Variants in SLC37A3 observed in about 807,000 individuals in gnomAD.
SLC37A3 encodes the protein solute carrier family 37 member 3.
Under a neutral mutation model 67.1 loss-of-function variants are expected in SLC37A3, and 51 were observed. The observed-to-expected ratio is 0.76, with a 90% CI of 0.61 to 0.96. SLC37A3 has a LOEUF of 0.96. Ranked by LOEUF, SLC37A3 falls within the 40% of genes least tolerant of loss-of-function variation. SLC37A3 has a pLI of 0.00. For missense variants in SLC37A3, 508 were observed against 603.0 expected, an observed-to-expected ratio of 0.84 and a Z score of 1.65; for synonymous variants, 214 against 231.4, an observed-to-expected ratio of 0.92 and a Z score of 0.68.
At chr7:140,384,117 T>C (rs948645933) in intron 1 of SLC37A3, among the ~76,000 whole-genome samples, 2 of 152,240 alleles carry the variant, frequency 1.3e-5, no homozygotes, top group Non-Finnish European at 2.9e-5. Flanking sequence ...TATACAACAA[T>C]AGGGGAATAA....
rs796968784 is a variant in SLC37A3, at chr7:140,396,018, C to CT, written c.-71+2397dup. Among the ~76,000 whole-genome samples the CT allele has an allele frequency of 5.6e-3, 806 of 145,040 alleles. 10 individuals are homozygous for CT. In the East Asian group the frequency reaches 0.074, roughly 13 times the overall value. ...TCAATGCTCACACTCATACAACTAT[C>CT]TTTTTTTTTTTTTCAGAGACAGGGT... is the stretch of plus-strand genomic sequence containing the variant. On this transcript the variant is annotated intron_variant, in intron 1 of 14. Coordinates refer to ENST00000326232, the MANE Select transcript of SLC37A3 (RefSeq NM_207113.3).
chr7:140,338,717 T>G (rs1796239802), intron 13 of SLC37A3, among the ~76,000 whole-genome samples: 1 of 151,056 alleles, frequency 6.6e-6, no homozygotes, highest in Non-Finnish European at 1.5e-5. Context: ...GGTGATTCAC[T>G]CACTTCAGCC....
intron 1 of SLC37A3, among the ~76,000 whole-genome samples, chr7:140,383,421 T>A (rs1383299050): frequency 6.6e-6 from 1 of 152,200 alleles, no homozygotes; most frequent in African/African-American, 2.4e-5. Context: ...CAGTGAGCTA[T>A]GATCACGCCA....
At chr7:140,372,390 C>T (rs1797856072) in intron 3 of SLC37A3, among the ~76,000 whole-genome samples, 1 of 152,148 alleles carries the variant, frequency 6.6e-6, no homozygotes, top group South Asian at 2.1e-4. Flanking sequence ...ATTCTTTGCA[C>T]CACATTAAAA....
At chr7:140,346,067 C>T (rs1377983236) in intron 10 of SLC37A3, 97 bp from the exon 11 acceptor site, 5 of 832,898 alleles carry the variant, frequency 6.0e-6, no homozygotes, top group Non-Finnish European at 1.0e-5. Flanking sequence ...CTAGCAGCAG[C>T]CTGACACTAG....
intron 14 of SLC37A3, among the ~76,000 whole-genome samples, chr7:140,335,712 A>C (rs547594468): frequency 1.9e-4 from 29 of 152,394 alleles, no homozygotes; most frequent in Non-Finnish European, 3.7e-4. Flanking sequence ...TTCCCAAAAA[A>C]AGAACAATAC....
chr7:140,345,330 G>A (rs747809201), intron 11 of SLC37A3, 67 bp from the exon 12 acceptor site: 80 of 1,230,804 alleles, frequency 6.5e-5, no homozygotes, highest in Non-Finnish European at 8.6e-5. Context: ...TCTGCCAACC[G>A]TACGCGAAGA....
chr7:140,355,538 A>T, intron 7 of SLC37A3, 130 bp downstream of exon 7: 1 of 828,504 alleles, frequency 1.2e-6, no homozygotes, highest in South Asian at 1.9e-5. Context: ...TTTTAATACA[A>T]GCCTTGCCCT....
chr7:140,358,734 G>A lies in SLC37A3; in HGVS notation c.427C>T (p.Leu143=). Reference sequence around the variant, plus strand: ...TTCACAATCCACAGGCAGCAGTACAGCCATTTGTTGTAGAAACGCAGCCAT... The same window carrying A: ...TTCACAATCCACAGGCAGCAGTACAACCATTTGTTGTAGAAACGCAGCCAT... ...TEWLRFYNKW[L]YCCLWIVNGL... Residue 143 remains leucine (L), a synonymous_variant, in exon 6 of 15, where the codon CTG becomes TTG. Coordinates refer to ENST00000326232, the MANE Select transcript of SLC37A3 (RefSeq NM_207113.3). The A allele has an allele frequency of 6.2e-7, 1 of 1,614,140 alleles. No individual in the cohort carries two copies. Among genetic ancestry groups the A allele is most frequent in the South Asian group, 1.1e-5 (1 of 91,078 alleles).
In SLC37A3 at chr7:140,335,254, C is replaced by CA; in HGVS notation, c.*157dup. 6.2e-7 allele frequency: 1 copy of CA among 1,614,052 alleles called. No homozygotes were observed. Among genetic ancestry groups the CA allele is most frequent in the Non-Finnish European group, 8.5e-7 (1 of 1,179,938 alleles). ...TAGTGTAGAAAACTAGTGCAGCCTT[C>CA]ACTGCTGGTCAGCATCTCAGGTGGC... On this transcript the variant is annotated 3_prime_UTR_variant, in exon 15 of 15. Transcript: ENST00000326232.
At chr7:140,355,877 T>C (rs1319405964) in intron 6 of SLC37A3, 113 bp from the exon 7 acceptor site, 1 of 846,942 alleles carries the variant, frequency 1.2e-6, no homozygotes. Context: ...AGACTAAACA[T>C]GCTATTTAAA....
intron 3 of SLC37A3, among the ~76,000 whole-genome samples, chr7:140,378,140 TC>T (rs1366820336): frequency 6.6e-6 from 1 of 152,138 alleles, no homozygotes; most frequent in African/African-American, 2.4e-5. Context: ...CTAAATGAAA[TC>T]CTATTTTTCT....
intron 5 of SLC37A3, 79 bp downstream of exon 5, chr7:140,364,329 A>G: frequency 7.7e-7 from 1 of 1,293,730 alleles, no homozygotes; most frequent in Non-Finnish European, 1.1e-6. Flanking sequence ...TTACTATTCT[A>G]TTCTACAGAG....
intron 3 of SLC37A3, among the ~76,000 whole-genome samples, chr7:140,372,276 G>A (rs1797852252): frequency 1.3e-5 from 2 of 152,206 alleles, no homozygotes; most frequent in Admixed American, 6.5e-5. Context: ...TCTTCAATAG[G>A]ATGGGAGATG....
Position 140,343,567 on chromosome 7 carries a change from A to AAC in SLC37A3, c.1175-5_1175-4insGT, listed in dbSNP as rs765572792. 6.2e-7 allele frequency: 1 copy of AAC among 1,613,600 alleles called. No individual in the cohort carries two copies. Among genetic ancestry groups the AAC allele is most frequent in the Non-Finnish European group, 8.5e-7 (1 of 1,179,568 alleles). ...GAAGGTCCACCAATAAAAAATCCTG[A>AAC]AGTCATAAACAGGTTCTTATTAAAA... is the stretch of plus-strand genomic sequence containing the variant. On this transcript the variant is annotated splice_polypyrimidine_tract_variant and splice_region_variant and intron_variant, in intron 12 of 14. Coordinates refer to ENST00000326232, the MANE Select transcript of SLC37A3 (RefSeq NM_207113.3).
intron 10 of SLC37A3, among the ~76,000 whole-genome samples, chr7:140,346,567 T>C (rs1350824811): frequency 6.6e-6 from 1 of 152,198 alleles, no homozygotes; most frequent in Non-Finnish European, 1.5e-5. Context: ...GTGAATGCTA[T>C]TTTTGATTTT....
At position 140,358,650 on chromosome 7, in the gene SLC37A3, C is replaced by A. The variant is rs368497699; in HGVS notation, c.511G>T (p.Gly171Trp). 17 of 1,614,094 alleles carry A rather than the reference C, an allele frequency of 1.1e-5. No individual in the cohort carries two copies. The highest frequency in any genetic ancestry group is 1.4e-5 in the Non-Finnish European group (17 of 1,180,008). ...CVVAVMGNWFGKAGRGVVFGL... is the reference protein window; with the variant it reads ...CVVAVMGNWFWKAGRGVVFGL... ...AAGGAAGTGGCATACCCGGCTTTCC[C>A]AAACCAGTTGCCCATAACAGCAACC... is the stretch of plus-strand genomic sequence containing the variant. Residue 171 changes from glycine to tryptophan, a missense_variant, in exon 6 of 15, where the codon GGG becomes TGG. Gly to Trp is a radical substitution (Grantham distance 184). Transcript: ENST00000326232.
chr7:140,363,185 G>C (rs1797437665), intron 5 of SLC37A3, among the ~76,000 whole-genome samples: 1 of 86,554 alleles, frequency 1.2e-5, no homozygotes, highest in Non-Finnish European at 2.5e-5. Flanking sequence ...GACCCCGTCT[G>C]GGAGGTGTGC....
Position 140,335,479 on chromosome 7 carries a change from G to A in SLC37A3, c.1418C>T (p.Ser473Leu), listed in dbSNP as rs201664320. The change falls in exon 15 of 15, where the codon TCG (serine) becomes TTG (leucine). Residue 473 changes from serine (S) to leucine (L), a missense_variant. Ser to Leu is a moderately radical substitution (Grantham distance 145). Transcript: ENST00000326232. ...LMTSCTIVFI[S>L]PLIVREIFSL... ...GAATATTTCCCTCACTATTAATGGC[G>A]AGATAAACACAATTGTACAACTTGT... The A allele has an allele frequency of 8.7e-6, 14 of 1,613,976 alleles. No homozygotes were observed. The African/African-American group carries it at 9.3e-5, about 11-fold the overall frequency.
Sources: gnomAD v4.1 joint callset for allele counts (sites outside exome capture counted in the v4.1 genomes callset) on GRCh38, gnomAD v4.1.1 for gene constraint, MANE v1.5 for transcripts, NCBI Gene and HGNC (gene_info 2026-07-23, HGNC 2026-07-21) for gene names.